Variants in CPSF2 observed in about 807,000 individuals in gnomAD.
The protein encoded by CPSF2 is cleavage and polyadenylation specificity factor subunit 2.
CPSF2 carries 51 observed loss-of-function variants against 84.2 expected under a neutral mutation model. The observed-to-expected ratio is 0.61, with a 90% CI of 0.48 to 0.77. The LOEUF is 0.77. CPSF2 is among the 30% of genes least tolerant of loss of function. CPSF2 has a pLI of 0.00. For synonymous variants in CPSF2, 286 were observed against 311.9 expected, an observed-to-expected ratio of 0.92 and a Z score of 0.87; for missense variants, 641 against 929.4, an observed-to-expected ratio of 0.69 and a Z score of 4.03.
intron 6 of CPSF2, among the ~76,000 whole-genome samples, chr14:92,137,057 A>G (rs1041719835): frequency 6.6e-6 from 1 of 152,086 alleles, no homozygotes; most frequent in Non-Finnish European, 1.5e-5. Context: ...ATTTGCAGCA[A>G]GTTGCCCAAA....
In CPSF2 at chr14:92,167,812, TTAAAA is replaced by T. The variant is rs943614092; in HGVS notation, c.*6071_*6075del. 5 of 152,172 alleles carry T rather than the reference TTAAAA, an allele frequency of 3.3e-5. No individual in the cohort carries two copies. Among genetic ancestry groups the T allele is most frequent in the Admixed American group, 3.3e-4 (5 of 15,282 alleles). The allele number at this position is 152,172 out of a possible 1,614,324, so 9.4% of individuals were successfully genotyped here. Reference sequence around the variant, plus strand: ...AGTTTTATCAGAAGATTATTGTCCTTTAAAATATTGATGGACTGATTATCACTTAA... The same window carrying T: ...AGTTTTATCAGAAGATTATTGTCCTTTATTGATGGACTGATTATCACTTAA... On this transcript the variant is annotated 3_prime_UTR_variant, in exon 16 of 16. Coordinates refer to ENST00000298875, the MANE Select transcript of CPSF2 (RefSeq NM_017437.3).
chr14:92,152,658 C>T (rs914614895), intron 9 of CPSF2, among the ~76,000 whole-genome samples: 19 of 151,998 alleles, frequency 1.3e-4, no homozygotes, highest in African/African-American at 3.9e-4. Flanking sequence ...AGGCTGGTCT[C>T]GGACTCCTGA....
chr14:92,127,055 G>A (rs752759245), intron 2 of CPSF2, among the ~76,000 whole-genome samples: 1 of 152,026 alleles, frequency 6.6e-6, no homozygotes, highest in Non-Finnish European at 1.5e-5. Context: ...AACATTTATC[G>A]GCTACCACTG....
At chr14:92,127,131 A>C (rs1246196962) in intron 2 of CPSF2, among the ~76,000 whole-genome samples, 1 of 152,236 alleles carries the variant, frequency 6.6e-6, no homozygotes, top group African/African-American at 2.4e-5. Context: ...CTTTACCTTC[A>C]TGGAGTCTGC....
chr14:92,146,021 T>A (rs769076291), intron 9 of CPSF2, among the ~76,000 whole-genome samples: 26 of 152,194 alleles, frequency 1.7e-4, no homozygotes, highest in Non-Finnish European at 3.4e-4. Flanking sequence ...CAGACAGCAC[T>A]TCCCACATAT....
Position 92,134,309 on chromosome 14 carries a change from T to C in CPSF2, c.369T>C (p.Phe123=). The C allele has an allele frequency of 6.2e-7, 1 of 1,613,504 alleles. No homozygotes were observed. The highest frequency in any genetic ancestry group is 8.5e-7 in the Non-Finnish European group (1 of 1,179,854). ...LFTLDDVDAA[F]DKIQQLKFSQ... is the part of the protein sequence containing the mutation. ...CATTAGATGATGTGGATGCAGCCTT[T>C]GATAAAATACAGCAGCTAAAATTCT... is the stretch of plus-strand genomic sequence containing the variant. Residue 123 remains phenylalanine, a synonymous_variant, in exon 5 of 16, where the codon TTT becomes TTC. Transcript: ENST00000298875.
chr14:92,145,719 C>G (rs977849846), intron 9 of CPSF2, among the ~76,000 whole-genome samples: 1 of 151,832 alleles, frequency 6.6e-6, no homozygotes, highest in East Asian at 1.9e-4. Flanking sequence ...GTCTAATAAA[C>G]CATTTGAGGA....
At chr14:92,122,801 C>T (rs1411443871) in intron 1 of CPSF2, among the ~76,000 whole-genome samples, 2 of 152,142 alleles carry the variant, frequency 1.3e-5, no homozygotes, top group Non-Finnish European at 2.9e-5. Context: ...CATTTATACC[C>T]ATCCCCTAAT....
At position 92,171,102 on chromosome 14, in the gene CPSF2, A is replaced by G. The variant is rs963971218; in HGVS notation, c.*9358A>G. The stretch of plus-strand genomic sequence containing the variant: ...TCCATTGATGATCCTTGTCTGGATC[A>G]GTTATTGCCAAATGGTAGTTTTCTT... On this transcript the variant is annotated 3_prime_UTR_variant, in exon 16 of 16. Coordinates refer to ENST00000298875, the MANE Select transcript of CPSF2 (RefSeq NM_017437.3). 1.3e-5 allele frequency: 2 copies of G among 152,180 alleles called. No individual in the cohort carries two copies. The highest frequency in any genetic ancestry group is 2.4e-5 in the African/African-American group (1 of 41,434). The allele number at this position is 152,180 out of a possible 1,614,324, so 9.4% of individuals were successfully genotyped here. A position where few individuals can be genotyped will look rare whatever the true frequency, so the allele number is the denominator to read the frequency against.
chr14:92,145,113 TG>T (rs2069126761), intron 9 of CPSF2, among the ~76,000 whole-genome samples: 1 of 152,370 alleles, frequency 6.6e-6, no homozygotes, highest in African/African-American at 2.4e-5. Context: ...TATAGTGGGA[TG>T]GTTAATAACT....
intron 9 of CPSF2, among the ~76,000 whole-genome samples, chr14:92,152,463 G>A (rs1048158185): frequency 6.7e-6 from 1 of 149,374 alleles, no homozygotes; most frequent in African/African-American, 2.5e-5. Context: ...TTTTGAGCTG[G>A]AGTCTCACTC....
intron 9 of CPSF2, among the ~76,000 whole-genome samples, chr14:92,152,074 T>A (rs545411743): frequency 6.6e-6 from 1 of 152,074 alleles, no homozygotes; most frequent in South Asian, 2.1e-4. Flanking sequence ...AATGTAATTA[T>A]TTTTTGTAAA....
chr14:92,154,195 G>A (rs2069258901), intron 9 of CPSF2, 163 bp from the exon 10 acceptor site: 1 of 525,016 alleles, frequency 1.9e-6, no homozygotes, highest in Non-Finnish European at 3.4e-6. Context: ...AATCTAAATA[G>A]GACCTATAAT....
intron 9 of CPSF2, among the ~76,000 whole-genome samples, chr14:92,152,541 C>T (rs995923578): frequency 4.0e-5 from 6 of 151,558 alleles, no homozygotes; most frequent in East Asian, 1.9e-4. Flanking sequence ...CAGGTTCCAG[C>T]GATTCTCCTG....
intron 11 of CPSF2, among the ~76,000 whole-genome samples, chr14:92,156,166 T>A (rs2069287146): frequency 6.6e-6 from 1 of 152,106 alleles, no homozygotes; most frequent in Non-Finnish European, 1.5e-5. Context: ...GGCAGGCACC[T>A]GTAATCCTAG....
chr14:92,133,095 G>GA (rs1277869695), intron 3 of CPSF2, among the ~76,000 whole-genome samples: 3 of 145,054 alleles, frequency 2.1e-5, no homozygotes, highest in South Asian at 2.2e-4. Context: ...ATCTCCAAAA[G>GA]AAAAAAAATA....
chr14:92,140,622 C>T (rs1028180590), intron 7 of CPSF2, among the ~76,000 whole-genome samples: 13 of 151,460 alleles, frequency 8.6e-5, no homozygotes, highest in East Asian at 3.9e-4. Context: ...TTAGTAGAGA[C>T]GGGGTTTCAC....
intron 14 of CPSF2, among the ~76,000 whole-genome samples, chr14:92,160,845 A>G (rs756599441): frequency 1.3e-5 from 2 of 152,184 alleles, no homozygotes; most frequent in South Asian, 2.1e-4. Flanking sequence ...AACATTACCA[A>G]ACGTCTCTGT....
intron 9 of CPSF2, among the ~76,000 whole-genome samples, chr14:92,148,804 T>A (rs1051492384): frequency 1.3e-5 from 2 of 150,354 alleles, no homozygotes; most frequent in African/African-American, 4.9e-5. Context: ...AATGTATATA[T>A]ATATATGTAG....
Sources: allele counts gnomAD v4.1 joint callset (sites outside exome capture counted in the v4.1 genomes callset), GRCh38; gene constraint gnomAD v4.1.1; transcripts MANE v1.5; gene names NCBI Gene and HGNC (gene_info 2026-07-23, HGNC 2026-07-21).